Variants in PCSK5 observed in about 807,000 individuals in gnomAD.
PCSK5 encodes prohormone convertase 5.
In PCSK5, 129 loss-of-function variants were observed where a neutral mutation model predicts 233.2. The observed-to-expected ratio is 0.55, with a 90% CI of 0.48 to 0.64. The LOEUF (loss-of-function observed/expected upper bound fraction) is 0.64. PCSK5 is among the 30% of genes least tolerant of loss of function. The pLI, the probability that PCSK5 is intolerant of heterozygous loss-of-function variation, is 0.00. For missense variants in PCSK5, 2,076 were observed against 2,430.1 expected (o/e 0.85, Z 3.06); for synonymous variants, 825 against 879.2 (o/e 0.94, Z 1.09).
intron 32 of PCSK5, among the ~76,000 whole-genome samples, chr9:76,325,267 TC>T (rs570053238): frequency 1.3e-5 from 2 of 152,186 alleles, no homozygotes; most frequent in Non-Finnish European, 1.5e-5. Context: ...AGGTTCAACT[TC>T]TGGCCTTTCT....
At position 76,279,826 on chromosome 9, in the gene PCSK5, T is replaced by C. The variant is rs562262608; in HGVS notation, c.3143-12407T>C. Among the ~76,000 whole-genome samples the C allele has an allele frequency of 3.1e-3, 466 of 151,608 alleles. 3 individuals are homozygous for C. Among genetic ancestry groups the C allele is most frequent in the African/African-American group, 0.011 (446 of 41,252 alleles). ...TTCTGGATATTAGCCCTTTGTCAGA[T>C]GAGTAGGTTGCGAAAATTTTCTCCC... is the stretch of plus-strand genomic sequence containing the variant. On this transcript the variant is annotated intron_variant, in intron 24 of 37. Transcript: ENST00000674117.
intron 3 of PCSK5, among the ~76,000 whole-genome samples, chr9:75,991,550 G>A (rs376900997): frequency 3.3e-5 from 5 of 152,144 alleles, no homozygotes; most frequent in East Asian, 3.9e-4. Context: ...TGGAAAGCTG[G>A]CAGCTTTAAT....
chr9:76,026,263 C>T (rs10869680), intron 4 of PCSK5, among the ~76,000 whole-genome samples: 15,853 of 152,070 alleles, frequency 0.1, 933 homozygotes, highest in East Asian at 0.22. Context: ...AACTTTGGTT[C>T]TGGAGATACT....
chr9:76,227,193 G>C (rs1297084393), intron 20 of PCSK5, among the ~76,000 whole-genome samples: 1 of 152,164 alleles, frequency 6.6e-6, no homozygotes, highest in Non-Finnish European at 1.5e-5. Context: ...GTTCAGTAAA[G>C]GGGTCTGGTG....
At chr9:76,313,874 A>T (rs1828940714) in intron 30 of PCSK5, among the ~76,000 whole-genome samples, 1 of 152,082 alleles carries the variant, frequency 6.6e-6, no homozygotes, top group Admixed American at 6.6e-5. Flanking sequence ...CCAGGTGAGA[A>T]GTCAGGTTTG....
intron 3 of PCSK5, among the ~76,000 whole-genome samples, chr9:76,015,632 T>C (rs1258097): frequency 0.29 from 44,727 of 152,044 alleles, 7,511 homozygotes; most frequent in East Asian, 0.62. Context: ...TTGAAAAGAA[T>C]GTTCAGTGGA....
intron 20 of PCSK5, among the ~76,000 whole-genome samples, chr9:76,190,058 A>T (rs1824294878): frequency 6.6e-6 from 1 of 152,124 alleles, no homozygotes; most frequent in Non-Finnish European, 1.5e-5. Flanking sequence ...GAAATTTCCC[A>T]TATACCCCGT....
intron 20 of PCSK5, among the ~76,000 whole-genome samples, chr9:76,221,333 T>C (rs1377712765): frequency 1.3e-5 from 2 of 152,178 alleles, no homozygotes; most frequent in Non-Finnish European, 2.9e-5. Context: ...TTTTTATAAA[T>C]AGCAAAGCTA....
chr9:76,345,317 C>T (rs2803443), intron 35 of PCSK5, among the ~76,000 whole-genome samples: 33,541 of 152,006 alleles, frequency 0.22, 4,150 homozygotes, highest in Non-Finnish European at 0.28. Context: ...ACCGCAGTTT[C>T]CGCCTGCCGG....
chr9:76,342,337 A>T (rs957829931), intron 35 of PCSK5, among the ~76,000 whole-genome samples: 1 of 152,172 alleles, frequency 6.6e-6, no homozygotes, highest in Non-Finnish European at 1.5e-5. Flanking sequence ...AGACTTGTGG[A>T]TGAAATAAGC....
intron 24 of PCSK5, among the ~76,000 whole-genome samples, chr9:76,259,785 G>A (rs370750792): frequency 1.8e-4 from 28 of 152,122 alleles, no homozygotes; most frequent in Admixed American, 6.5e-4. Context: ...ATTTGAAAGC[G>A]CCCTTGTGGA....
intron 1 of PCSK5, among the ~76,000 whole-genome samples, chr9:75,929,448 TGA>T (rs976628959): frequency 3.3e-5 from 5 of 150,882 alleles, no homozygotes; most frequent in Non-Finnish European, 5.9e-5. Flanking sequence ...TCTATTAATA[TGA>T]GATGGTATAA....
chr9:76,207,461 G>A (rs888962656), intron 20 of PCSK5, among the ~76,000 whole-genome samples: 2 of 152,190 alleles, frequency 1.3e-5, no homozygotes, highest in African/African-American at 4.8e-5. Context: ...ACTCTTTTGT[G>A]TGTATCTTGC....
chr9:76,070,370 A>C (rs1005621378), intron 6 of PCSK5, among the ~76,000 whole-genome samples: 2 of 152,216 alleles, frequency 1.3e-5, no homozygotes, highest in African/African-American at 4.8e-5. Flanking sequence ...ATCTCCATTA[A>C]AAATTCAAGA....
intron 3 of PCSK5, among the ~76,000 whole-genome samples, chr9:76,007,981 G>T (rs1266763279): frequency 6.6e-6 from 1 of 151,888 alleles, no homozygotes; most frequent in Admixed American, 6.6e-5. Flanking sequence ...CTTCTAATTT[G>T]CTCCTTCACT....
chr9:75,905,078 T>A (rs1221957948), intron 1 of PCSK5, among the ~76,000 whole-genome samples: 1 of 152,202 alleles, frequency 6.6e-6, no homozygotes, highest in Non-Finnish European at 1.5e-5. Flanking sequence ...ATTCTGTTTA[T>A]ATAAAATGTC....
At chr9:76,176,885 T>G (rs1015687977) in intron 14 of PCSK5, among the ~76,000 whole-genome samples, 1 of 152,230 alleles carries the variant, frequency 6.6e-6, no homozygotes, top group Non-Finnish European at 1.5e-5. Context: ...TTGTCCTTCT[T>G]GTCATTATTT....
intron 24 of PCSK5, among the ~76,000 whole-genome samples, chr9:76,265,787 G>A (rs1370144320): frequency 6.6e-6 from 1 of 152,006 alleles, no homozygotes; most frequent in Admixed American, 6.6e-5. Context: ...AAAACAAGTG[G>A]GTGACCACCT....
intron 2 of PCSK5, among the ~76,000 whole-genome samples, chr9:75,970,728 T>G (rs1308107215): frequency 6.6e-6 from 1 of 152,044 alleles, no homozygotes; most frequent in African/African-American, 2.4e-5. Flanking sequence ...TTCAAATAAT[T>G]CTCCTGCCTC....
Sources: allele counts gnomAD v4.1 joint callset (sites outside exome capture counted in the v4.1 genomes callset), GRCh38; gene constraint gnomAD v4.1.1; transcripts MANE v1.5; gene names NCBI Gene and HGNC (gene_info 2026-07-23, HGNC 2026-07-21).